The following BTRC variants were observed in gnomAD, a reference collection of about 807,000 sequenced individuals.
The protein encoded by BTRC is F-box/WD repeat-containing protein 1A.
A neutral mutation model predicts 85.5 loss-of-function variants in BTRC; 42 were observed. The observed-to-expected ratio is 0.49, with a 90% CI of 0.38 to 0.64. The LOEUF (loss-of-function observed/expected upper bound fraction) is 0.64, where lower values mean the gene tolerates loss of function less well. BTRC is among the 30% of genes least tolerant of loss of function. BTRC has a pLI of 0.00. For synonymous variants in BTRC, 255 were observed against 263.3 expected, an observed-to-expected ratio of 0.97 and a Z score of 0.30; for missense variants, 594 against 743.5, an observed-to-expected ratio of 0.80 and a Z score of 2.34.
chr10:101,426,592 G>C, intron 1 of BTRC, among the ~76,000 whole-genome samples: 1 of 152,136 alleles, frequency 6.6e-6, no homozygotes, highest in East Asian at 1.9e-4. Flanking sequence ...AATGAATGAG[G>C]AAGTGTGTTA....
chr10:101,396,567 A>G (rs916907123), intron 1 of BTRC, among the ~76,000 whole-genome samples: 5 of 151,994 alleles, frequency 3.3e-5, no homozygotes, highest in Admixed American at 3.3e-4. Flanking sequence ...CGACAGCAAA[A>G]TATGTGGTAT....
In BTRC at chr10:101,442,262, A is replaced by ATCTCTC. The variant is rs10531761; in HGVS notation, c.156+11826_156+11831dup. On this transcript the variant is annotated intron_variant, in intron 2 of 14. Coordinates refer to ENST00000370187, the MANE Select transcript of BTRC (RefSeq NM_033637.4). ...TTGCGACTGCACTAATTGAATTAGA[A>ATCTCTC]TCTCTCTCTCTCTCTCTCTCTGTCT... Among the ~76,000 whole-genome samples, 75 of 129,704 alleles carry ATCTCTC rather than the reference A, an allele frequency of 5.8e-4. 1 individual carries two copies. The highest frequency in any genetic ancestry group is 1.5e-3 in the South Asian group (6 of 4,068). 85.1% of individuals were successfully genotyped at this position (129,704 alleles called of 152,430 possible). A position where few individuals can be genotyped will look rare whatever the true frequency, so the allele number is the denominator to read the frequency against.
intron 7 of BTRC, 100 bp from the exon 8 acceptor site, chr10:101,532,195 A>G (rs2062294023): frequency 3.1e-6 from 4 of 1,294,028 alleles, no homozygotes; most frequent in South Asian, 3.3e-5. Flanking sequence ...TGTATATCCC[A>G]TAGAGTAAAG....
intron 4 of BTRC, among the ~76,000 whole-genome samples, chr10:101,506,997 T>C (rs529073354): frequency 1.3e-5 from 2 of 152,206 alleles, no homozygotes; most frequent in African/African-American, 4.8e-5. Flanking sequence ...TCCAGAATTA[T>C]TTTTTGAAGG....
chr10:101,361,611 T>TGG (rs1942210289), intron 1 of BTRC, among the ~76,000 whole-genome samples: 1 of 152,232 alleles, frequency 6.6e-6, no homozygotes, highest in Non-Finnish European at 1.5e-5. Flanking sequence ...CACTGGATCT[T>TGG]AACAGTTTCA....
intron 14 of BTRC, 88 bp downstream of exon 14, chr10:101,550,979 G>C (rs369869740): frequency 9.5e-6 from 12 of 1,265,876 alleles, no homozygotes; most frequent in African/African-American, 6.0e-5. Flanking sequence ...ACTTTCTCCT[G>C]CCGTTTGGGT....
chr10:101,377,947 C>T (rs1266608685), intron 1 of BTRC, among the ~76,000 whole-genome samples: 1 of 151,410 alleles, frequency 6.6e-6, no homozygotes, highest in African/African-American at 2.4e-5. Flanking sequence ...GATAGGATGA[C>T]CAAAATTTTT....
intron 1 of BTRC, among the ~76,000 whole-genome samples, chr10:101,382,834 A>G (rs1305254251): frequency 2.6e-5 from 4 of 151,886 alleles, no homozygotes; most frequent in Non-Finnish European, 5.9e-5. Flanking sequence ...AGTGTTTCCT[A>G]TTTTGGAAAG....
intron 2 of BTRC, among the ~76,000 whole-genome samples, chr10:101,455,983 A>ACACACACAC (rs1554881061): frequency 2.0e-4 from 19 of 96,026 alleles, no homozygotes; most frequent in Non-Finnish European, 3.0e-4. Flanking sequence ...CTCTACTAAA[A>ACACACACAC]ACACACACAC....
At chr10:101,424,859 T>C (rs1360998164) in intron 1 of BTRC, among the ~76,000 whole-genome samples, 1 of 152,212 alleles carries the variant, frequency 6.6e-6, no homozygotes, top group Non-Finnish European at 1.5e-5. Flanking sequence ...TACAGAGATA[T>C]ACTGCACGAT....
rs1941982311 is a variant in BTRC, at chr10:101,354,665, G to A, written c.48+437G>A. 1.4e-5 allele frequency: 3 copies of A among 207,282 alleles called. No homozygotes were observed. In the South Asian group the frequency reaches 2.6e-4, roughly 18 times the overall value. The allele number at this position is 207,282 out of a possible 1,614,324, so 12.8% of individuals were successfully genotyped here. A position where few individuals can be genotyped will look rare whatever the true frequency, so the allele number is the denominator to read the frequency against. On this transcript the variant is annotated intron_variant, in intron 1 of 14. Coordinates refer to ENST00000370187, the MANE Select transcript of BTRC (RefSeq NM_033637.4). ...ACTGGGGAAGGGAGCGCGGGATAGA[G>A]TGAAGACAGATACGGTGGGTAGAGG...
intron 9 of BTRC, among the ~76,000 whole-genome samples, chr10:101,533,363 C>A (rs1419788633): frequency 1.3e-5 from 2 of 152,178 alleles, no homozygotes; most frequent in East Asian, 3.8e-4. Context: ...CTTACAAAAA[C>A]CACCTCACGG....
At chr10:101,498,993 C>CA (rs201426508) in intron 4 of BTRC, among the ~76,000 whole-genome samples, 199 of 140,514 alleles carry the variant, frequency 1.4e-3, no homozygotes, top group East Asian at 6.2e-3. Context: ...GACTCTGTCT[C>CA]AAAAAAAAAA....
At chr10:101,481,936 G>A (rs1355133197) in intron 4 of BTRC, among the ~76,000 whole-genome samples, 1 of 152,164 alleles carries the variant, frequency 6.6e-6, no homozygotes, top group African/African-American at 2.4e-5. Flanking sequence ...GTTGGTCAAT[G>A]TCAAATAAAA....
At chr10:101,524,196 C>G (rs950830094) in intron 5 of BTRC, among the ~76,000 whole-genome samples, 1 of 152,126 alleles carries the variant, frequency 6.6e-6, no homozygotes, top group African/African-American at 2.4e-5. Context: ...CTGAATTTTA[C>G]CTATATCTTT....
chr10:101,372,505 C>T (rs1942668151), intron 1 of BTRC, among the ~76,000 whole-genome samples: 2 of 149,176 alleles, frequency 1.3e-5, no homozygotes, highest in Admixed American at 6.6e-5. Context: ...CTGCCCGCCT[C>T]GGCCTCCCAA....
rs1253340948 is a variant in BTRC, at chr10:101,365,373, C to CT, written c.48+11156dup. On this transcript the variant is annotated intron_variant, in intron 1 of 14. Transcript: ENST00000370187. ...CTGGCGTGAGCCACCGCGCTTGGCCCTTTTTTTTTTTAATTTTTTGAGACA... is the reference window on the plus strand; with the variant it reads ...CTGGCGTGAGCCACCGCGCTTGGCCCTTTTTTTTTTTTAATTTTTTGAGACA... 1.1e-3 allele frequency among the ~76,000 whole-genome samples: 162 copies of CT among 141,846 alleles called. 1 individual carries two copies. The highest frequency in any genetic ancestry group is 3.5e-3 in the African/African-American group (135 of 38,882). 93.1% of individuals were successfully genotyped at this position (141,846 alleles called of 152,430 possible).
At chr10:101,528,513 C>A (rs2062233510) in intron 6 of BTRC, among the ~76,000 whole-genome samples, 1 of 152,158 alleles carries the variant, frequency 6.6e-6, no homozygotes, top group Non-Finnish European at 1.5e-5. Context: ...TTTTGAGTAT[C>A]CTTCAGAGTT....
chr10:101,367,702 G>A (rs1942509334), intron 1 of BTRC, among the ~76,000 whole-genome samples: 1 of 152,166 alleles, frequency 6.6e-6, no homozygotes, highest in Admixed American at 6.6e-5. Context: ...AATCATTCCA[G>A]GGTGTATTCT....
Sources: allele counts gnomAD v4.1 joint callset (sites outside exome capture counted in the v4.1 genomes callset), GRCh38; gene constraint gnomAD v4.1.1; transcripts MANE v1.5; gene names NCBI Gene and HGNC (gene_info 2026-07-23, HGNC 2026-07-21).